Variants in DNER observed in about 807,000 individuals in gnomAD.
DNER encodes delta and Notch-like epidermal growth factor-related receptor.
DNER carries 33 observed loss-of-function variants against 78.2 expected under a neutral mutation model. The ratio of observed to expected loss-of-function variants is 0.42; its 90% confidence interval spans 0.32 to 0.56. DNER has a LOEUF of 0.56. DNER is among the 20% of genes least tolerant of loss of function. The probability of loss-of-function intolerance (pLI) is 0.11; values close to 1 mark genes in which losing one functional copy is unlikely to be tolerated. For missense variants in DNER, 918 were observed against 975.3 expected (o/e 0.94, Z 0.78); for synonymous variants, 417 against 384.8 (o/e 1.08, Z -0.98).
chr2:229,520,022 C>T (rs1047400238), intron 5 of DNER, among the ~76,000 whole-genome samples: 9 of 152,098 alleles, frequency 5.9e-5, no homozygotes, highest in Non-Finnish European at 7.4e-5. Flanking sequence ...ATACATAAAG[C>T]GCCTAATTGC....
intron 4 of DNER, among the ~76,000 whole-genome samples, chr2:229,572,385 A>G (rs1175892797): frequency 6.6e-6 from 1 of 152,188 alleles, no homozygotes; most frequent in Non-Finnish European, 1.5e-5. Flanking sequence ...TCATCTCAAA[A>G]TCATTAACGT....
At chr2:229,503,929 A>G (rs1245372537) in intron 6 of DNER, among the ~76,000 whole-genome samples, 2 of 152,092 alleles carry the variant, frequency 1.3e-5, no homozygotes, top group African/African-American at 4.8e-5. Flanking sequence ...TTTTTTGTAG[A>G]GATGGAGTTT....
intron 4 of DNER, among the ~76,000 whole-genome samples, chr2:229,582,708 T>C (rs10168207): frequency 0.03 from 4,604 of 152,070 alleles, 252 homozygotes; most frequent in African/African-American, 0.11. Context: ...GGCGTGATCT[T>C]GGCTCACTGC....
chr2:229,371,395 T>C (rs946324612), intron 11 of DNER, among the ~76,000 whole-genome samples: 17 of 152,222 alleles, frequency 1.1e-4, no homozygotes, highest in African/African-American at 4.1e-4. Context: ...AACCAGAATA[T>C]GCCAGATGGG....
At position 229,557,828 on chromosome 2, in the gene DNER, C is replaced by T. The variant is rs553435276; in HGVS notation, c.848-10736G>A. On this transcript the variant is annotated intron_variant, in intron 4 of 12. Transcript: ENST00000341772. ...TTTGGAAGACAGTGTGGCAATTCCTCGAAGACCTAAAGACAGAAATACCAT... is the reference window on the plus strand; with the variant it reads ...TTTGGAAGACAGTGTGGCAATTCCTTGAAGACCTAAAGACAGAAATACCAT... 5.9e-5 allele frequency among the ~76,000 whole-genome samples: 9 copies of T among 152,092 alleles called. No individual in the cohort carries two copies. In the South Asian group the frequency reaches 1.0e-3, roughly 18 times the overall value.
chr2:229,636,562 G>C (rs528040058), intron 1 of DNER, among the ~76,000 whole-genome samples: 2 of 152,322 alleles, frequency 1.3e-5, no homozygotes, highest in East Asian at 3.9e-4. Flanking sequence ...GTCCAAAAGC[G>C]TAGCTCACTA....
intron 1 of DNER, among the ~76,000 whole-genome samples, chr2:229,604,408 G>C (rs143497787): frequency 2.6e-5 from 4 of 152,262 alleles, no homozygotes; most frequent in African/African-American, 4.8e-5. Context: ...TCTTTATTCA[G>C]AGTATTCCCT....
intron 5 of DNER, among the ~76,000 whole-genome samples, chr2:229,526,552 C>A (rs556805508): frequency 5.6e-4 from 85 of 152,314 alleles, no homozygotes; most frequent in Non-Finnish European, 9.0e-4. Context: ...GAAACTGTTC[C>A]ACCTCAGCTC....
At chr2:229,372,746 T>C (rs1692513710) in intron 11 of DNER, among the ~76,000 whole-genome samples, 1 of 152,142 alleles carries the variant, frequency 6.6e-6, no homozygotes. Context: ...CAGAGGCTCC[T>C]GTAGGACGGG....
chr2:229,391,008 A>G (rs930966898), intron 10 of DNER, among the ~76,000 whole-genome samples: 1 of 152,114 alleles, frequency 6.6e-6, no homozygotes, highest in African/African-American at 2.4e-5. Context: ...GCTGTGTTCT[A>G]TGCTGGCTGG....
chr2:229,523,258 C>G (rs111993814), intron 5 of DNER, among the ~76,000 whole-genome samples: 177 of 152,346 alleles, frequency 1.2e-3, no homozygotes, highest in African/African-American at 4.0e-3. Flanking sequence ...ACAACCCCAT[C>G]GTGGGTTTCT....
intron 6 of DNER, among the ~76,000 whole-genome samples, chr2:229,503,321 G>T (rs1453668667): frequency 6.6e-6 from 1 of 152,188 alleles, no homozygotes; most frequent in Non-Finnish European, 1.5e-5. Flanking sequence ...ACTGAGGAGA[G>T]GCCCTTGCTG....
intron 6 of DNER, among the ~76,000 whole-genome samples, chr2:229,500,843 A>C: frequency 6.7e-6 from 1 of 149,902 alleles, no homozygotes; most frequent in African/African-American, 2.5e-5. Flanking sequence ...TTTATCTCTC[A>C]CCCCCCTCCC....
At chr2:229,525,349 G>A (rs2154212684) in intron 5 of DNER, among the ~76,000 whole-genome samples, 1 of 152,272 alleles carries the variant, frequency 6.6e-6, no homozygotes, top group South Asian at 2.1e-4. Context: ...ATTTTTAAAA[G>A]TAGAACACTG....
At chr2:229,389,133 T>C (rs207667) in intron 10 of DNER, among the ~76,000 whole-genome samples, 106,601 of 151,740 alleles carry the variant, frequency 0.7, 37,792 homozygotes, top group East Asian at 0.91. Context: ...GAAATGGTGG[T>C]CCAAGGGAAG....
At chr2:229,400,756 T>A (rs1036517700) in intron 10 of DNER, among the ~76,000 whole-genome samples, 1 of 152,004 alleles carries the variant, frequency 6.6e-6, no homozygotes, top group Non-Finnish European at 1.5e-5. Context: ...TCCAAATAAT[T>A]CATGTAGCTA....
At chr2:229,619,602 T>A (rs866296060) in intron 1 of DNER, among the ~76,000 whole-genome samples, 1 of 152,162 alleles carries the variant, frequency 6.6e-6, no homozygotes, top group Non-Finnish European at 1.5e-5. Context: ...TGCCCTTCAG[T>A]TACAACAGAG....
chr2:229,397,941 T>G (rs1304886620), intron 10 of DNER, among the ~76,000 whole-genome samples: 1 of 152,046 alleles, frequency 6.6e-6, no homozygotes, highest in East Asian at 1.9e-4. Flanking sequence ...ATATCAATAC[T>G]CTAAGATCTT....
intron 11 of DNER, among the ~76,000 whole-genome samples, chr2:229,370,467 A>G (rs1692456284): frequency 2.0e-5 from 3 of 152,198 alleles, no homozygotes; most frequent in Admixed American, 2.0e-4. Flanking sequence ...GCCAACTCAC[A>G]TACAGGCAGA....
Sources: allele counts gnomAD v4.1 joint callset (sites outside exome capture counted in the v4.1 genomes callset), GRCh38; gene constraint gnomAD v4.1.1; transcripts MANE v1.5; gene names NCBI Gene and HGNC (gene_info 2026-07-23, HGNC 2026-07-21).